The following SLC75A1 variants were observed in gnomAD, a reference collection of about 807,000 sequenced individuals.
SLC75A1 encodes the protein major facilitator superfamily domain containing 10.
At chr4:2,932,732 G>A in the SLC75A1 span, 2 of 1,585,348 alleles carry the variant, frequency 1.3e-6, no homozygotes, top group Non-Finnish European at 8.6e-7. Flanking sequence ...AGGTGGCCCA[G>A]ACTGCATATG....
chr4:2,931,552 T>C, the SLC75A1 span: 1 of 1,611,158 alleles, frequency 6.2e-7, no homozygotes, highest in South Asian at 1.1e-5. Flanking sequence ...GGGAGCCCCC[T>C]ACCCGCTTCA....
At chr4:2,932,616 G>A in the SLC75A1 span, 3 of 1,613,224 alleles carry the variant, frequency 1.9e-6, no homozygotes, top group South Asian at 2.2e-5. Flanking sequence ...TTGACTGCGG[G>A]CCAGAGGCGA....
chr4:2,932,649 G>C, the SLC75A1 span: 2 of 1,612,752 alleles, frequency 1.2e-6, no homozygotes, highest in South Asian at 2.2e-5. Flanking sequence ...AACGATGGCC[G>C]TGGAGAGGCT....
the SLC75A1 span, chr4:2,931,050 C>T: frequency 1.7e-5 from 28 of 1,608,160 alleles, no homozygotes; most frequent in African/African-American, 1.6e-4. Context: ...AGCACCATCC[C>T]GCGCCCTCAC....
chr4:2,934,275 G>A, the SLC75A1 span: 2 of 297,844 alleles, frequency 6.7e-6, no homozygotes, highest in Non-Finnish European at 1.3e-5. Context: ...AAGCCGCGGG[G>A]AACCCGGATC....
chr4:2,932,599 C>T, the SLC75A1 span: 1 of 1,613,220 alleles, frequency 6.2e-7, no homozygotes, highest in South Asian at 1.1e-5. Context: ...TGTGCACTTA[C>T]CATGCCTTGA....
At chr4:2,930,752 C>T in the SLC75A1 span, 56 of 1,452,028 alleles carry the variant, frequency 3.9e-5, no homozygotes, top group Middle Eastern at 4.3e-4. Context: ...CCTGGACTGG[C>T]GGGGGGTGGG....
the SLC75A1 span, chr4:2,933,263 T>C: frequency 1.3e-6 from 2 of 1,544,598 alleles, no homozygotes; most frequent in African/African-American, 1.4e-5. Flanking sequence ...AGCTGTGGTC[T>C]TGGGGCCCTC....
the SLC75A1 span, chr4:2,932,615 G>A: frequency 2.5e-6 from 4 of 1,613,194 alleles, no homozygotes; most frequent in South Asian, 2.2e-5. Flanking sequence ...CTTGACTGCG[G>A]GCCAGAGGCG....
At chr4:2,933,174 G>C in the SLC75A1 span, 4 of 1,613,708 alleles carry the variant, frequency 2.5e-6, no homozygotes, top group Non-Finnish European at 3.4e-6. Flanking sequence ...GGCGCACACA[G>C]AAACTGCAGG....
chr4:2,934,089 G>A, the SLC75A1 span: 16 of 735,702 alleles, frequency 2.2e-5, 1 homozygote, highest in South Asian at 5.6e-5. Flanking sequence ...GTTCTGGCCT[G>A]CGCGATGCCC....
At chr4:2,932,479 T>C in the SLC75A1 span, 14 of 1,612,846 alleles carry the variant, frequency 8.7e-6, no homozygotes, top group Non-Finnish European at 1.2e-5. Flanking sequence ...GGGCCCAGGG[T>C]GAAGCCCAGT....
chr4:2,934,490 C>T, the SLC75A1 span: 1 of 115,850 alleles, frequency 8.6e-6, no homozygotes, highest in African/African-American at 3.2e-5. Flanking sequence ...CGCCCCCGGT[C>T]CCGCCCCCCA....
At chr4:2,932,843 A>G in the SLC75A1 span, 1 of 1,459,620 alleles carries the variant, frequency 6.9e-7, no homozygotes, top group Non-Finnish European at 9.1e-7. Flanking sequence ...CCCAGACAAC[A>G]CCCCTCAACC....
the SLC75A1 span, chr4:2,932,233 C>T: frequency 2.6e-6 from 4 of 1,549,578 alleles, no homozygotes; most frequent in Admixed American, 3.9e-5. Flanking sequence ...AGGGTCCCAA[C>T]ACCAAGAGAG....
chr4:2,930,767 A>G, the SLC75A1 span: 1 of 1,517,038 alleles, frequency 6.6e-7, no homozygotes, highest in Non-Finnish European at 8.9e-7. Context: ...GGTGGGGGTC[A>G]GGCAGTGGGC....
At chr4:2,933,433 G>T in the SLC75A1 span, 1 of 1,036,080 alleles carries the variant, frequency 9.7e-7, no homozygotes, top group African/African-American at 1.6e-5. Flanking sequence ...AGGACATGTG[G>T]GCAAGGGCAC....
At chr4:2,932,930 G>A in the SLC75A1 span, 1 of 1,062,708 alleles carries the variant, frequency 9.4e-7, no homozygotes, top group Non-Finnish European at 1.3e-6. Context: ...CTCCTTGAAA[G>A]CCTGGCTCTG....
chr4:2,931,972 C>G, the SLC75A1 span: 1 of 1,602,608 alleles, frequency 6.2e-7, no homozygotes, highest in African/African-American at 1.3e-5. Context: ...AAGGCGACCA[C>G]AGCAGGGAAG....
Sources: allele counts gnomAD v4.1 joint callset, GRCh38; gene constraint gnomAD v4.1.1; transcripts MANE v1.5; gene names NCBI Gene and HGNC (gene_info 2026-07-23, HGNC 2026-07-21).